Variants in MARK4 observed in about 807,000 individuals in gnomAD.
MARK4 encodes the protein MAP/microtubule affinity-regulating kinase 4.
In MARK4, 19 loss-of-function variants were observed where a neutral mutation model predicts 81.5. The ratio of observed to expected loss-of-function variants is 0.23; its 90% CI spans 0.16 to 0.34. The LOEUF (loss-of-function observed/expected upper bound fraction) is 0.34. Among genes scored for constraint, MARK4 ranks in the 10% least tolerant of loss-of-function variants. MARK4 has a pLI of 1.00. For missense variants in MARK4, 772 were observed against 1,058.8 expected, an observed-to-expected ratio of 0.73 and a Z score of 3.76; for synonymous variants, 436 against 439.0, an observed-to-expected ratio of 0.99 and a Z score of 0.08.
chr19:45,259,398 G>T (rs1970352624), intron 2 of MARK4, among the ~76,000 whole-genome samples: 1 of 152,162 alleles, frequency 6.6e-6, no homozygotes, highest in Non-Finnish European at 1.5e-5. Context: ...CCCTGAAATT[G>T]CCGGGAAATC....
chr19:45,264,370 G>A (rs1385632090), intron 4 of MARK4, among the ~76,000 whole-genome samples: 8 of 151,968 alleles, frequency 5.3e-5, no homozygotes, highest in Non-Finnish European at 7.4e-5. Context: ...ATATGGTGGC[G>A]CATGCTTGTA....
intron 7 of MARK4, among the ~76,000 whole-genome samples, chr19:45,267,255 A>G (rs555618860): frequency 6.6e-6 from 1 of 152,074 alleles, no homozygotes; most frequent in Non-Finnish European, 1.5e-5. Context: ...ACGGAGTTTC[A>G]CCATGTTGGC....
intron 8 of MARK4, among the ~76,000 whole-genome samples, chr19:45,274,768 C>T (rs946762759): frequency 1.3e-5 from 2 of 152,144 alleles, no homozygotes; most frequent in Non-Finnish European, 2.9e-5. Context: ...TTTGAAGGGC[C>T]AGGCCAGTGT....
chr19:45,301,192 A>AGTCC (rs1970966766), intron 16 of MARK4, among the ~76,000 whole-genome samples: 1 of 151,934 alleles, frequency 6.6e-6, no homozygotes, highest in South Asian at 2.1e-4. Context: ...CCAAGGCAGG[A>AGTCC]GGATCACTTG....
In MARK4 at chr19:45,271,782, C is replaced by T; in HGVS notation, c.786+74C>T. 7.3e-7 allele frequency: 1 copy of T among 1,367,352 alleles called. No homozygotes were observed. The highest frequency in any genetic ancestry group is 1.0e-6 in the Non-Finnish European group (1 of 988,498). 84.7% of individuals were successfully genotyped at this position (1,367,352 alleles called of 1,614,324 possible). A position where few individuals can be genotyped will look rare whatever the true frequency, so the allele number is the denominator to read the frequency against. On this transcript the variant is annotated intron_variant, in intron 8 of 16. Coordinates refer to ENST00000262891, the MANE Select transcript of MARK4 (RefSeq NM_001199867.2). The surrounding 1 kb of genome is among the most constrained non-coding windows in gnomAD (Gnocchi z 4.1). ...GGCCCCTATCCCCCCCACACCTCCC[C>T]TGCAGAGGGCCTCAGTGGTGGGACT...
chr19:45,259,898 C>T (rs775128465), intron 2 of MARK4, among the ~76,000 whole-genome samples: 9 of 152,070 alleles, frequency 5.9e-5, no homozygotes, highest in Non-Finnish European at 1.2e-4. Flanking sequence ...ACCAGCCTGA[C>T]CAACATGATG....
At position 45,301,634 on chromosome 19, in the gene MARK4, G is replaced by A. The variant is rs147162438; in HGVS notation, c.1923-740G>A. Among the ~76,000 whole-genome samples, 22 of 150,644 alleles carry A rather than the reference G, an allele frequency of 1.5e-4. No homozygotes were observed. In the East Asian group the frequency reaches 3.7e-3, roughly 25 times the overall value. ...CCAGCACTTTGGGAGGTCGAGGCGG[G>A]CAGATCACAAGGTCAGGAGATCGAG... On this transcript the variant is annotated intron_variant, in intron 16 of 16. Coordinates refer to ENST00000262891, the MANE Select transcript of MARK4 (RefSeq NM_001199867.2).
At position 45,299,866 on chromosome 19, in the gene MARK4, G is replaced by A. The variant is rs775915909; in HGVS notation, c.1922+11G>A. The A allele has an allele frequency of 6.3e-7, 1 of 1,597,168 alleles. No individual in the cohort carries two copies. The highest frequency in any genetic ancestry group is 8.6e-7 in the Non-Finnish European group (1 of 1,168,942). On this transcript the variant is annotated intron_variant, in intron 16 of 16. Transcript: ENST00000262891. ...ACCTGAGGTCACAAGGTGAGTGCTT[G>A]GGCCTACCCCTGACTGCCACTTCCC...
chr19:45,263,291 C>T, intron 3 of MARK4, 28 bp from the exon 4 acceptor site: 1 of 1,614,222 alleles, frequency 6.2e-7, no homozygotes, highest in Admixed American at 1.7e-5. Flanking sequence ...CCTCACTCTC[C>T]TCTGTCTTCC....
intron 7 of MARK4, among the ~76,000 whole-genome samples, chr19:45,269,457 T>C (rs944550083): frequency 6.6e-6 from 1 of 152,086 alleles, no homozygotes; most frequent in Non-Finnish European, 1.5e-5. Flanking sequence ...AGCTCTGTGG[T>C]GTGTCTTTGT....
chr19:45,263,040 A>T, intron 2 of MARK4, 73 bp from the exon 3 acceptor site: 1 of 1,530,370 alleles, frequency 6.5e-7, no homozygotes, highest in Non-Finnish European at 8.9e-7. Context: ...TGCTGGGATT[A>T]CAGGCCTGAG....
chr19:45,300,450 A>G (rs558123939), intron 16 of MARK4, among the ~76,000 whole-genome samples: 12 of 150,466 alleles, frequency 8.0e-5, no homozygotes, highest in Admixed American at 5.3e-4. Context: ...TCATGGCACA[A>G]TGTTTGCTGG....
chr19:45,265,086 C>G (rs1239476198), intron 6 of MARK4, among the ~76,000 whole-genome samples, 176 bp downstream of exon 6: 1 of 152,108 alleles, frequency 6.6e-6, no homozygotes, highest in Non-Finnish European at 1.5e-5. Flanking sequence ...GTGAGGGCAT[C>G]CGGATGTAGG....
At position 45,302,251 on chromosome 19, in the gene MARK4, G is replaced by A; in HGVS notation, c.1923-123G>A. 3.2e-6 allele frequency: 5 copies of A among 1,554,002 alleles called. No individual in the cohort carries two copies. The highest frequency in any genetic ancestry group is 1.8e-5 in the Admixed American group (1 of 54,896). On this transcript the variant is annotated intron_variant, in intron 16 of 16. Coordinates refer to ENST00000262891, the MANE Select transcript of MARK4 (RefSeq NM_001199867.2). The surrounding 1 kb of genome is among the most constrained non-coding windows in gnomAD (Gnocchi z 4.9). ...GTTGAAACTGTCGCTGGGGTAACAG[G>A]GGAAGATGTTTTTTGAGGGGATGGC...
intron 16 of MARK4, among the ~76,000 whole-genome samples, chr19:45,301,229 G>A (rs1970967238): frequency 6.6e-6 from 1 of 151,978 alleles, no homozygotes; most frequent in South Asian, 2.1e-4. Flanking sequence ...GCTGCAGTGA[G>A]CTGTGATTGC....
intron 8 of MARK4, among the ~76,000 whole-genome samples, chr19:45,275,090 G>T (rs575552697): frequency 1.3e-5 from 2 of 151,970 alleles, no homozygotes; most frequent in Non-Finnish European, 2.9e-5. Flanking sequence ...GTGAAACCCC[G>T]TCTCTACTAA....
chr19:45,291,554 G>A (rs551546062), intron 13 of MARK4, among the ~76,000 whole-genome samples: 96 of 152,254 alleles, frequency 6.3e-4, no homozygotes, highest in African/African-American at 2.2e-3. Context: ...AGGCTGAGGC[G>A]GGCGGATCAC....
intron 8 of MARK4, among the ~76,000 whole-genome samples, chr19:45,273,702 C>T (rs944201931): frequency 1.3e-5 from 2 of 152,182 alleles, no homozygotes; most frequent in South Asian, 4.1e-4. Flanking sequence ...TGTTTCCTCT[C>T]GATTGGAATC....
At chr19:45,293,235 C>G (rs781079725) in intron 13 of MARK4, among the ~76,000 whole-genome samples, 2 of 152,146 alleles carry the variant, frequency 1.3e-5, no homozygotes, top group Non-Finnish European at 2.9e-5. Context: ...CATTGCACTC[C>G]AGCCTGGGCA....
Sources: gnomAD v4.1 joint callset for allele counts (sites outside exome capture counted in the v4.1 genomes callset) on GRCh38, gnomAD v4.1.1 for gene constraint, Gnocchi (gnomAD v3.1) non-coding constraint, MANE v1.5 for transcripts, NCBI Gene and HGNC (gene_info 2026-07-23, HGNC 2026-07-21) for gene names.